The following PMM2 variants were observed in gnomAD, a reference collection of about 807,000 sequenced individuals.
The protein encoded by PMM2 is phosphomannomutase 2.
Under a neutral mutation model 33.2 loss-of-function variants are expected in PMM2, and 35 were observed. The observed-to-expected ratio is 1.06, with a 90% confidence interval of 0.81 to 1.40. The LOEUF (loss-of-function observed/expected upper bound fraction) is 1.40. Ranked by LOEUF, PMM2 falls within the 40% of genes most tolerant of loss-of-function variation. PMM2 has a pLI of 0.00. For synonymous variants in PMM2, 153 were observed against 114.7 expected (o/e 1.33, Z -2.13); for missense variants, 386 against 306.0 (o/e 1.26, Z -1.95).
rs868082851 is a variant in PMM2, at chr16:8,832,102, C to T, written c.640-15622C>T. 2.6e-5 allele frequency: 25 copies of T among 979,010 alleles called. 1 individual carries two copies. Among genetic ancestry groups the T allele is most frequent in the Middle Eastern group, 1.0e-3 (2 of 1,928 alleles). 60.6% of individuals were successfully genotyped at this position (979,010 alleles called of 1,614,324 possible). ...CTTTCCTTTCATTTCATTTGGGGTC[C>T]GCTTCACTTGCTTTGCAGCTACTCT... On this transcript the variant is annotated intron_variant, in intron 7 of 7. Coordinates refer to ENST00000268261, the MANE Select transcript of PMM2 (RefSeq NM_000303.3).
chr16:8,828,873 C>G (rs1041292928), intron 7 of PMM2, among the ~76,000 whole-genome samples: 7 of 152,126 alleles, frequency 4.6e-5, no homozygotes, highest in Non-Finnish European at 1.0e-4. Flanking sequence ...AAAGGTGTGT[C>G]GTATTAATGT....
intron 1 of PMM2, among the ~76,000 whole-genome samples, chr16:8,798,950 T>C (rs1384196450): frequency 1.3e-5 from 2 of 152,218 alleles, no homozygotes; most frequent in Non-Finnish European, 2.9e-5. Flanking sequence ...ATTTACCTAG[T>C]GATGACGCTC....
intron 1 of PMM2, among the ~76,000 whole-genome samples, chr16:8,800,349 C>T (rs1031564582): frequency 1.0e-4 from 12 of 114,536 alleles, no homozygotes; most frequent in East Asian, 2.6e-4. Flanking sequence ...TGACAGAGCA[C>T]GACTTCGTGT....
chr16:8,816,417 C>T lies in PMM2; in HGVS notation c.639+3311C>T, dbSNP rs528071932. ...CTAGGCTTATAGGCGTGAGCCACCA[C>T]ACTGGGCCAGGATGGCTAATTTTGT... On this transcript the variant is annotated intron_variant, in intron 7 of 7. Coordinates refer to ENST00000268261, the MANE Select transcript of PMM2 (RefSeq NM_000303.3). Among the ~76,000 whole-genome samples, 9 of 151,782 alleles carry T rather than the reference C, an allele frequency of 5.9e-5. No individual in the cohort carries two copies. The East Asian group carries it at 1.8e-3, about 30-fold the overall frequency.
At chr16:8,798,096 G>C (rs750297833) in intron 1 of PMM2, 148 bp downstream of exon 1, 1 of 753,482 alleles carries the variant, frequency 1.3e-6, no homozygotes, top group Non-Finnish European at 2.3e-6. Context: ...GGGTGCACTG[G>C]AGGAATGAGA....
chr16:8,812,179 A>G (rs1349050602), intron 6 of PMM2, among the ~76,000 whole-genome samples: 1 of 152,218 alleles, frequency 6.6e-6, no homozygotes, highest in African/African-American at 2.4e-5. Flanking sequence ...TTACAGATCA[A>G]GAAACTGAGG....
intron 7 of PMM2, among the ~76,000 whole-genome samples, chr16:8,827,848 A>G (rs1462057982): frequency 2.9e-5 from 2 of 69,916 alleles, no homozygotes; most frequent in Admixed American, 1.6e-4. Context: ...TATAATATAT[A>G]ATATATATGT....
At chr16:8,838,050 C>T (rs1203349464) in intron 7 of PMM2, among the ~76,000 whole-genome samples, 2 of 152,072 alleles carry the variant, frequency 1.3e-5, no homozygotes, top group African/African-American at 4.8e-5. Context: ...TGGGTGCAGG[C>T]GGGCTGAGTC....
intron 2 of PMM2, chr16:8,802,416 T>C: frequency 2.5e-6 from 1 of 396,038 alleles, no homozygotes; most frequent in Non-Finnish European, 4.9e-6. Flanking sequence ...GATTCTAGTG[T>C]ACAACCTTGC....
At chr16:8,840,351 C>T (rs2060881953) in intron 7 of PMM2, among the ~76,000 whole-genome samples, 1 of 151,896 alleles carries the variant, frequency 6.6e-6, no homozygotes, top group Non-Finnish European at 1.5e-5. Flanking sequence ...TTGGGGATAG[C>T]ACCAAGAGAT....
At chr16:8,806,477 C>A in intron 4 of PMM2, 70 bp downstream of exon 4, 1 of 923,438 alleles carries the variant, frequency 1.1e-6, no homozygotes, top group Non-Finnish European at 1.8e-6. Flanking sequence ...CTAATGTGGG[C>A]ATTCTCCAAA....
At chr16:8,839,999 A>AG (rs1225371542) in intron 7 of PMM2, among the ~76,000 whole-genome samples, 16 of 151,632 alleles carry the variant, frequency 1.1e-4, no homozygotes, top group African/African-American at 3.6e-4. Context: ...AGGAGGGTAA[A>AG]GGTGAGGGCT....
intron 7 of PMM2, among the ~76,000 whole-genome samples, chr16:8,828,023 C>CTGT (rs1491498264): frequency 4.0e-5 from 1 of 24,938 alleles, no homozygotes; most frequent in African/African-American, 1.3e-4. Flanking sequence ...AACTGTAGAA[C>CTGT]TCTTTTTTTT....
intron 7 of PMM2, among the ~76,000 whole-genome samples, chr16:8,830,258 G>A (rs577076869): frequency 6.6e-6 from 1 of 152,308 alleles, no homozygotes; most frequent in East Asian, 1.9e-4. Context: ...TAGCCACAAG[G>A]GAGATCACAG....
intron 7 of PMM2, among the ~76,000 whole-genome samples, chr16:8,826,251 C>A (rs1423126554): frequency 6.6e-6 from 1 of 152,106 alleles, no homozygotes; most frequent in Admixed American, 6.6e-5. Flanking sequence ...GTCTTTCAAC[C>A]AAAAATAATC....
chr16:8,830,494 G>C (rs1567165659), intron 7 of PMM2, among the ~76,000 whole-genome samples: 1 of 152,130 alleles, frequency 6.6e-6, no homozygotes. Flanking sequence ...TTGCTGATTG[G>C]TCAGCATGGA....
chr16:8,847,812 T>C lies in PMM2; in HGVS notation c.728T>C (p.Leu243Pro), dbSNP rs2060937980. 3 of 1,612,834 alleles carry C rather than the reference T, an allele frequency of 1.9e-6. No homozygotes were observed. Among genetic ancestry groups the C allele is most frequent in the Non-Finnish European group, 2.5e-6 (3 of 1,179,044 alleles). ...GAGGACACGCGCAGGATCTGTGAAC[T>C]GCTGTTCTCCTAACGTGGGAGCGGG... ...APEDTRRICE[L>P]LFS The change falls in exon 8 of 8, where the codon CTG (leucine) becomes CCG (proline). Residue 243 changes from leucine to proline, a missense_variant. By Grantham distance (98) the Leu-to-Pro change is moderately conservative. Coordinates refer to ENST00000268261, the MANE Select transcript of PMM2 (RefSeq NM_000303.3).
At chr16:8,817,456 T>TATGTG in intron 7 of PMM2, among the ~76,000 whole-genome samples, 1 of 152,242 alleles carries the variant, frequency 6.6e-6, no homozygotes, top group Non-Finnish European at 1.5e-5. Context: ...CAGCAGATTG[T>TATGTG]TCTGTAATGA....
intron 7 of PMM2, among the ~76,000 whole-genome samples, chr16:8,834,416 G>A (rs1436145068): frequency 6.6e-6 from 1 of 151,948 alleles, no homozygotes; most frequent in East Asian, 1.9e-4. Context: ...TGACAGAAGG[G>A]AAGAAATGAC....
Sources: allele counts gnomAD v4.1 joint callset (sites outside exome capture counted in the v4.1 genomes callset), GRCh38; gene constraint gnomAD v4.1.1; transcripts MANE v1.5; gene names NCBI Gene and HGNC (gene_info 2026-07-23, HGNC 2026-07-21).